LRRC4C: variants seen among roughly 807,000 people sequenced by gnomAD.
LRRC4C encodes the protein leucine rich repeat containing 4C.
Under a neutral mutation model 33.6 loss-of-function variants are expected in LRRC4C, and 5 were observed. That is an observed-to-expected ratio of 0.15 (90% CI 0.08 to 0.31). The LOEUF (loss-of-function observed/expected upper bound fraction) is 0.31. LRRC4C is among the 10% of genes least tolerant of loss of function. The pLI, the probability that LRRC4C is intolerant of heterozygous loss-of-function variation, is 1.00. For missense variants in LRRC4C, 560 were observed against 796.7 expected (o/e 0.70, Z 3.58); for synonymous variants, 329 against 302.0 (o/e 1.09, Z -0.93).
At chr11:40,747,792 C>T (rs934815207) in intron 2 of LRRC4C, among the ~76,000 whole-genome samples, 9 of 151,926 alleles carry the variant, frequency 5.9e-5, no homozygotes, top group Admixed American at 5.2e-4. Context: ...AAAGCTTCAA[C>T]AATAAACTGG....
At chr11:40,701,416 A>G (rs558305174) in intron 2 of LRRC4C, among the ~76,000 whole-genome samples, 28 of 152,168 alleles carry the variant, frequency 1.8e-4, no homozygotes, top group African/African-American at 6.7e-4. Context: ...TATGTAATAA[A>G]GCGTATTTGC....
rs367565512 is a variant in LRRC4C at position 41,137,495 on chromosome 11, C to T, written c.-495-203772G>A. On this transcript the variant is annotated intron_variant, in intron 1 of 6. Transcript: ENST00000528697. ...GAAAACTGTTTTCTCTATGATAATG[C>T]ATATGCTTATAAAGTATTTTCATTA... Among the ~76,000 whole-genome samples, 14 of 152,192 alleles carry T rather than the reference C, an allele frequency of 9.2e-5. 2 individuals carry two copies. In the South Asian group the frequency reaches 2.9e-3, roughly 32 times the overall value.
chr11:40,409,771 C>T (rs1950088824), intron 3 of LRRC4C, among the ~76,000 whole-genome samples: 1 of 151,876 alleles, frequency 6.6e-6, no homozygotes, highest in African/African-American at 2.4e-5. Context: ...AATCCTTGAA[C>T]ACTGTTGATG....
intron 3 of LRRC4C, among the ~76,000 whole-genome samples, chr11:40,574,956 A>T (rs1362875879): frequency 6.6e-6 from 1 of 152,100 alleles, no homozygotes; most frequent in Non-Finnish European, 1.5e-5. Context: ...GTTGTCTAAA[A>T]GGGCGGTAAG....
At chr11:40,456,956 T>C (rs2138143050) in intron 3 of LRRC4C, among the ~76,000 whole-genome samples, 1 of 152,034 alleles carries the variant, frequency 6.6e-6, no homozygotes, top group South Asian at 2.1e-4. Flanking sequence ...TAAAATTCTT[T>C]AAAAATTATG....
At chr11:40,863,877 C>A (rs867932696) in intron 2 of LRRC4C, among the ~76,000 whole-genome samples, 7 of 152,022 alleles carry the variant, frequency 4.6e-5, no homozygotes, top group Non-Finnish European at 1.0e-4. Context: ...GTTCATGTCA[C>A]CTGTAAAGAA....
At chr11:40,361,936 T>C (rs1565313617) in intron 3 of LRRC4C, among the ~76,000 whole-genome samples, 2 of 152,058 alleles carry the variant, frequency 1.3e-5, no homozygotes, top group African/African-American at 4.8e-5. Context: ...TGGAACAGAA[T>C]AGAGAACCCA....
At chr11:40,533,016 C>A (rs1377187137) in intron 3 of LRRC4C, among the ~76,000 whole-genome samples, 1 of 152,070 alleles carries the variant, frequency 6.6e-6, no homozygotes, top group Non-Finnish European at 1.5e-5. Context: ...ACGAGAACAG[C>A]AAACCAACCC....
At chr11:41,060,113 G>C (rs761459238) in intron 1 of LRRC4C, among the ~76,000 whole-genome samples, 3 of 152,156 alleles carry the variant, frequency 2.0e-5, no homozygotes, top group Non-Finnish European at 4.4e-5. Context: ...ATTAAAGTTT[G>C]AGATGCCTTG....
intron 2 of LRRC4C, among the ~76,000 whole-genome samples, chr11:40,707,638 C>T (rs998680341): frequency 2.0e-5 from 3 of 151,728 alleles, no homozygotes; most frequent in Admixed American, 6.6e-5. Flanking sequence ...ATTTTTGCAT[C>T]GATGTTCATC....
intron 3 of LRRC4C, among the ~76,000 whole-genome samples, chr11:40,511,824 G>C (rs967781016): frequency 1.3e-5 from 2 of 152,106 alleles, no homozygotes; most frequent in Non-Finnish European, 2.9e-5. Flanking sequence ...TTTTGAAGGG[G>C]GCTGAGGCCT....
chr11:40,186,351 G>T lies in LRRC4C; in HGVS notation c.-95-45498C>A, dbSNP rs922891815. On this transcript the variant is annotated intron_variant, in intron 5 of 6. Coordinates refer to ENST00000528697, the MANE Select transcript of LRRC4C (RefSeq NM_001258419.2). ...AAATTTAAGCTTTTTATTTTTCCCA[G>T]CAAGGATGCCAGGAAGAAGACCGAG... Among the ~76,000 whole-genome samples the T allele has an allele frequency of 4.3e-4, 66 of 152,008 alleles. 1 individual carries two copies. The highest frequency in any genetic ancestry group is 2.1e-4 in the Non-Finnish European group (14 of 68,026).
At chr11:41,110,407 G>T (rs913611357) in intron 1 of LRRC4C, among the ~76,000 whole-genome samples, 1 of 151,700 alleles carries the variant, frequency 6.6e-6, no homozygotes, top group East Asian at 1.9e-4. Flanking sequence ...TATTCTTATT[G>T]TTCCCATCTT....
intron 5 of LRRC4C, among the ~76,000 whole-genome samples, chr11:40,178,563 G>A (rs180728199): frequency 6.6e-6 from 1 of 152,282 alleles, no homozygotes; most frequent in Admixed American, 6.5e-5. Context: ...ATATCAAAAT[G>A]TCCCATGTGT....
chr11:40,512,996 TC>T (rs1186344810), intron 3 of LRRC4C, among the ~76,000 whole-genome samples: 8 of 152,010 alleles, frequency 5.3e-5, no homozygotes, highest in African/African-American at 1.9e-4. Flanking sequence ...ATGCCTGTAA[TC>T]CCAGCACTTT....
chr11:40,790,112 T>C (rs72898769), intron 2 of LRRC4C, among the ~76,000 whole-genome samples: 10,136 of 152,248 alleles, frequency 0.067, 416 homozygotes, highest in South Asian at 0.12. Context: ...GTAGTTATCA[T>C]TGAAGATTTC....
intron 2 of LRRC4C, among the ~76,000 whole-genome samples, chr11:40,795,739 C>T (rs769324813): frequency 9.2e-5 from 14 of 152,046 alleles, no homozygotes; most frequent in Admixed American, 2.6e-4. Context: ...TCAAAAGAGA[C>T]GAAATATAAT....
chr11:40,472,434 C>A (rs1406233413), intron 3 of LRRC4C, among the ~76,000 whole-genome samples: 1 of 116,340 alleles, frequency 8.6e-6, no homozygotes, highest in Non-Finnish European at 1.8e-5. Flanking sequence ...CACAAGGTAC[C>A]AGAATCTCTG....
At chr11:41,117,220 C>T (rs1942178857) in intron 1 of LRRC4C, among the ~76,000 whole-genome samples, 1 of 152,174 alleles carries the variant, frequency 6.6e-6, no homozygotes, top group African/African-American at 2.4e-5. Context: ...GAGAACAGAA[C>T]TACCCAGCTG....
Sources: gnomAD v4.1 joint callset for allele counts (sites outside exome capture counted in the v4.1 genomes callset) on GRCh38, gnomAD v4.1.1 for gene constraint, MANE v1.5 for transcripts, NCBI Gene and HGNC (gene_info 2026-07-23, HGNC 2026-07-21) for gene names.